The following TBC1D22B variants were observed in gnomAD, a reference collection of about 807,000 sequenced individuals.
TBC1D22B encodes the protein chromosome 6 open reading frame 197.
Under a neutral mutation model 69.1 loss-of-function variants are expected in TBC1D22B, and 32 were observed. The ratio of observed to expected loss-of-function variants is 0.46; its 90% confidence interval spans 0.35 to 0.62. The LOEUF (loss-of-function observed/expected upper bound fraction) is 0.62. TBC1D22B is among the 20% of genes least tolerant of loss of function. TBC1D22B has a pLI of 0.00. For synonymous variants in TBC1D22B, 206 were observed against 229.8 expected (o/e 0.90, Z 0.94); for missense variants, 462 against 630.9 (o/e 0.73, Z 2.87).
intron 1 of TBC1D22B, among the ~76,000 whole-genome samples, chr6:37,260,941 T>G (rs911396515): frequency 6.6e-6 from 1 of 152,236 alleles, no homozygotes; most frequent in Admixed American, 6.5e-5. Context: ...AATGCTTTTA[T>G]GAACATTTAT....
At chr6:37,309,983 G>A (rs1767851965) in intron 8 of TBC1D22B, among the ~76,000 whole-genome samples, 1 of 144,480 alleles carries the variant, frequency 6.9e-6, no homozygotes, top group African/African-American at 2.5e-5. Context: ...AAAATATTAG[G>A]TAAAATAATT....
chr6:37,331,326 A>C lies in TBC1D22B; in HGVS notation c.*154A>C. On this transcript the variant is annotated 3_prime_UTR_variant, in exon 13 of 13. Transcript: ENST00000373491. ...AGGTCTTAACTTTCTGGCATCCACC[A>C]CTCCATGTCTCTGGATGTGTCACTT... 1 of 683,250 alleles carries C rather than the reference A, an allele frequency of 1.5e-6. No individual in the cohort carries two copies. The highest frequency in any genetic ancestry group is 2.5e-6 in the Non-Finnish European group (1 of 400,290). 42.3% of individuals were successfully genotyped at this position (683,250 alleles called of 1,614,324 possible).
intron 10 of TBC1D22B, among the ~76,000 whole-genome samples, chr6:37,315,475 C>T (rs1009603280): frequency 6.6e-6 from 1 of 151,912 alleles, no homozygotes; most frequent in East Asian, 1.9e-4. Context: ...AAGGATCACT[C>T]GAGCCCAGGA....
intron 1 of TBC1D22B, among the ~76,000 whole-genome samples, chr6:37,258,412 G>A (rs1164723186): frequency 6.6e-6 from 1 of 152,150 alleles, no homozygotes; most frequent in Non-Finnish European, 1.5e-5. Context: ...GCACTTACCC[G>A]AAGGATTCCG....
intron 1 of TBC1D22B, among the ~76,000 whole-genome samples, chr6:37,259,827 C>T (rs889824849): frequency 3.9e-5 from 6 of 152,138 alleles, no homozygotes; most frequent in African/African-American, 1.4e-4. Flanking sequence ...ATACTTTCCT[C>T]AGAGTTACTG....
chr6:37,265,532 G>A (rs1766242885), intron 1 of TBC1D22B, among the ~76,000 whole-genome samples: 1 of 143,870 alleles, frequency 7.0e-6, no homozygotes, highest in African/African-American at 2.5e-5. Flanking sequence ...AGCCCTTTGG[G>A]TTTTTTTTTT....
chr6:37,310,944 C>A (rs1767890945), intron 8 of TBC1D22B, among the ~76,000 whole-genome samples: 1 of 152,062 alleles, frequency 6.6e-6, no homozygotes, highest in East Asian at 1.9e-4. Flanking sequence ...TACTGTAAAC[C>A]TTGAGATGTT....
chr6:37,320,725 C>G (rs1292893551), intron 12 of TBC1D22B, among the ~76,000 whole-genome samples: 1 of 152,196 alleles, frequency 6.6e-6, no homozygotes, highest in African/African-American at 2.4e-5. Flanking sequence ...TCTAGGGCCG[C>G]TGCCTGGCAG....
In TBC1D22B at chr6:37,257,797, C is replaced by A; in HGVS notation, c.-121C>A. 1.8e-6 allele frequency: 2 copies of A among 1,092,116 alleles called. No individual in the cohort carries two copies. The highest frequency in any genetic ancestry group is 2.7e-6 in the Non-Finnish European group (2 of 752,092). The allele number at this position is 1,092,116 out of a possible 1,614,324, so 67.7% of individuals were successfully genotyped here. A position where few individuals can be genotyped will look rare whatever the true frequency, so the allele number is the denominator to read the frequency against. ...ACATCCAAGATGGCGTCCCCAGGAG[C>A]TGGGAGCGGGTGACCGGCGGCGGGG... is the stretch of plus-strand genomic sequence containing the variant. On this transcript the variant is annotated 5_prime_UTR_variant, in exon 1 of 13. It adds an upstream start codon to the 5' untranslated region. Transcript: ENST00000373491.
chr6:37,290,533 C>T (rs1460031539), intron 7 of TBC1D22B, among the ~76,000 whole-genome samples: 1 of 152,102 alleles, frequency 6.6e-6, no homozygotes, highest in African/African-American at 2.4e-5. Flanking sequence ...CAGTGTAGGC[C>T]TCTGGCTTCT....
chr6:37,329,456 C>A lies in TBC1D22B; in HGVS notation c.1390-1588C>A, dbSNP rs181712477. The stretch of plus-strand genomic sequence containing the variant: ...ATTTGAAGCAATGATGCAGTGAATA[C>A]CTTTGTACACACAGTAGTGTGACTA... On this transcript the variant is annotated intron_variant, in intron 12 of 12. Transcript: ENST00000373491. Among the ~76,000 whole-genome samples, 173 of 152,278 alleles carry A rather than the reference C, an allele frequency of 1.1e-3. 1 individual carries two copies. The highest frequency in any genetic ancestry group is 3.8e-3 in the African/African-American group (157 of 41,548).
chr6:37,322,426 A>G (rs1452236108), intron 12 of TBC1D22B, among the ~76,000 whole-genome samples: 1 of 152,202 alleles, frequency 6.6e-6, no homozygotes, highest in Admixed American at 6.5e-5. Context: ...CTGAGGCAGG[A>G]GAATCGCTTG....
chr6:37,301,301 T>A lies in TBC1D22B; in HGVS notation c.982+9944T>A, dbSNP rs199579811. Among the ~76,000 whole-genome samples the A allele has an allele frequency of 2.6e-5, 4 of 152,306 alleles. No individual in the cohort carries two copies. The East Asian group carries it at 7.7e-4, about 29-fold the overall frequency. On this transcript the variant is annotated intron_variant, in intron 8 of 12. Coordinates refer to ENST00000373491, the MANE Select transcript of TBC1D22B (RefSeq NM_017772.4). ...TCATTTAAAGGGTACAGTGAATAAT[T>A]TTTAGTATATTTACAGAGTTGTATG...
rs778526827 is a variant in TBC1D22B at position 37,331,331 on chromosome 6, A to G, written c.*159A>G. Reference sequence around the variant, plus strand: ...TTAACTTTCTGGCATCCACCACTCCATGTCTCTGGATGTGTCACTTGGACC... The same window carrying G: ...TTAACTTTCTGGCATCCACCACTCCGTGTCTCTGGATGTGTCACTTGGACC... On this transcript the variant is annotated 3_prime_UTR_variant, in exon 13 of 13. Transcript: ENST00000373491. 7 of 642,306 alleles carry G rather than the reference A, an allele frequency of 1.1e-5. No individual in the cohort carries two copies. The Admixed American group carries it at 1.4e-4, about 13-fold the overall frequency. The allele number at this position is 642,306 out of a possible 1,614,324, so 39.8% of individuals were successfully genotyped here.
chr6:37,316,611 G>A (rs1768087295), intron 10 of TBC1D22B, 92 bp from the exon 11 acceptor site: 1 of 1,455,924 alleles, frequency 6.9e-7, no homozygotes. Flanking sequence ...ATGGGAGGGG[G>A]CAGTAAGAAG....
intron 7 of TBC1D22B, among the ~76,000 whole-genome samples, chr6:37,287,967 G>A (rs141585382): frequency 2.0e-4 from 30 of 152,298 alleles, no homozygotes; most frequent in Middle Eastern, 3.4e-3. Context: ...GGGCTATTAT[G>A]TTTTGACTCA....
chr6:37,270,775 G>A (rs367603057), intron 2 of TBC1D22B, among the ~76,000 whole-genome samples: 1 of 152,202 alleles, frequency 6.6e-6, no homozygotes, highest in African/African-American at 2.4e-5. Context: ...TTAGGGAGAT[G>A]CAGACCTAGG....
chr6:37,294,122 C>T (rs1767280024), intron 8 of TBC1D22B, among the ~76,000 whole-genome samples: 1 of 152,050 alleles, frequency 6.6e-6, no homozygotes, highest in African/African-American at 2.4e-5. Flanking sequence ...TTGATGAAGG[C>T]GGTACACTAA....
intron 12 of TBC1D22B, among the ~76,000 whole-genome samples, chr6:37,326,736 C>T (rs959982177): frequency 9.9e-5 from 15 of 151,672 alleles, no homozygotes; most frequent in Admixed American, 2.0e-4. Flanking sequence ...GGTGGTGAGC[C>T]AAGATCATGC....
Sources: gnomAD v4.1 joint callset for allele counts (sites outside exome capture counted in the v4.1 genomes callset) on GRCh38, gnomAD v4.1.1 for gene constraint, MANE v1.5 for transcripts, NCBI Gene and HGNC (gene_info 2026-07-23, HGNC 2026-07-21) for gene names.